Variants in RIMBP2 observed in about 807,000 individuals in gnomAD.
RIMBP2 encodes the protein RIMS binding protein 2.
RIMBP2 carries 48 observed loss-of-function variants against 118.6 expected under a neutral mutation model. The ratio of observed to expected loss-of-function variants is 0.40; its 90% CI spans 0.32 to 0.51. The LOEUF (loss-of-function observed/expected upper bound fraction) is 0.51. Among genes scored for constraint, RIMBP2 ranks in the 20% least tolerant of loss-of-function variants. The pLI is 0.41. For synonymous variants in RIMBP2, 762 were observed against 742.9 expected, an observed-to-expected ratio of 1.03 and a Z score of -0.42; for missense variants, 1,551 against 1,768.3, an observed-to-expected ratio of 0.88 and a Z score of 2.20.
rs952796615 is a variant in RIMBP2, at chr12:130,670,193, C to G, written c.-351-41737G>C. On this transcript the variant is annotated intron_variant, in intron 1 of 22. Transcript: ENST00000690449. This position sits in a 1 kb window ranked among gnomAD's most constrained non-coding sequence, Gnocchi z 4.9. ...GGTTGGGAGAGACAAGGAAGAGGCC[C>G]TCCCTTGAGCTCTGGGAGGGAGCAC... Among the ~76,000 whole-genome samples, 1 of 152,026 alleles carries G rather than the reference C, an allele frequency of 6.6e-6. No individual in the cohort carries two copies. Among genetic ancestry groups the G allele is most frequent in the Non-Finnish European group, 1.5e-5 (1 of 68,012 alleles).
chr12:130,669,903 G>T (rs978542707), intron 1 of RIMBP2, among the ~76,000 whole-genome samples: 2 of 152,078 alleles, frequency 1.3e-5, no homozygotes, highest in Non-Finnish European at 2.9e-5. Context: ...TGAAGGCCGG[G>T]GCTCAGTAAC....
Position 130,442,564 on chromosome 12 carries a change from T to G in RIMBP2, c.788A>C (p.Glu263Ala). ...ESRLASTLGN[E>A]QDQNFINHSG... ...ATGGTTGATGAAGTTCTGATCCTGC[T>G]CGTTCCCCAGCGTGCTTGCCAACCG... The change falls in exon 11 of 23, where the codon GAG becomes GCG. Residue 263 changes from glutamate to alanine, a missense_variant. By Grantham distance (107) the Glu-to-Ala change is moderately radical (BLOSUM62 -1). Coordinates refer to ENST00000690449, the MANE Select transcript of RIMBP2 (RefSeq NM_001393629.1). The surrounding 1 kb of genome is among the most constrained non-coding windows in gnomAD (Gnocchi z 6.9). The G allele has an allele frequency of 6.2e-7, 1 of 1,614,074 alleles. No homozygotes were observed. The highest frequency in any genetic ancestry group is 8.5e-7 in the Non-Finnish European group (1 of 1,179,988).
intron 4 of RIMBP2, among the ~76,000 whole-genome samples, chr12:130,491,370 GCTGT>G (rs1245086428): frequency 6.6e-6 from 1 of 152,214 alleles, no homozygotes; most frequent in Non-Finnish European, 1.5e-5. Flanking sequence ...TCTGCTCTCT[GCTGT>G]CTAAGAGGCC....
intron 2 of RIMBP2, among the ~76,000 whole-genome samples, chr12:130,615,785 G>A (rs1228846618): frequency 6.6e-6 from 1 of 152,082 alleles, no homozygotes; most frequent in African/African-American, 2.4e-5. Flanking sequence ...GAAAACCAAT[G>A]CCCACTAAGT....
intron 3 of RIMBP2, among the ~76,000 whole-genome samples, chr12:130,516,228 T>C (rs1218211311): frequency 6.6e-6 from 1 of 152,206 alleles, no homozygotes; most frequent in African/African-American, 2.4e-5. Flanking sequence ...AAGTGTCAAA[T>C]CAAGACAACT....
In RIMBP2 at chr12:130,419,002, A is replaced by C. The variant is rs1298154519; in HGVS notation, c.3238+3451T>G. Among the ~76,000 whole-genome samples the C allele has an allele frequency of 6.6e-6, 1 of 152,186 alleles. No individual in the cohort carries two copies. The highest frequency in any genetic ancestry group is 1.5e-5 in the Non-Finnish European group (1 of 68,038). On this transcript the variant is annotated intron_variant, in intron 17 of 22. Transcript: ENST00000690449. The surrounding 1 kb of genome is among the most constrained non-coding windows in gnomAD (Gnocchi z 4.3). ...GGTGTGGGGTAGAGGTGGGTGGAGCACTTGGAGTTGAACGTATGTGAATAA... is the reference window on the plus strand; with the variant it reads ...GGTGTGGGGTAGAGGTGGGTGGAGCCCTTGGAGTTGAACGTATGTGAATAA...
intron 1 of RIMBP2, among the ~76,000 whole-genome samples, chr12:130,674,670 T>C (rs1002469007): frequency 7.2e-5 from 11 of 152,036 alleles, no homozygotes; most frequent in Non-Finnish European, 1.3e-4. Flanking sequence ...TGGCATGGAG[T>C]GGCTTCACAA....
Position 130,622,755 on chromosome 12 carries a change from T to C in RIMBP2, c.-217+5567A>G, listed in dbSNP as rs976443376. Among the ~76,000 whole-genome samples, 1 of 152,214 alleles carries C rather than the reference T, an allele frequency of 6.6e-6. No homozygotes were observed. On this transcript the variant is annotated intron_variant, in intron 2 of 22. Coordinates refer to ENST00000690449, the MANE Select transcript of RIMBP2 (RefSeq NM_001393629.1). This position sits in a 1 kb window ranked among gnomAD's most constrained non-coding sequence, Gnocchi z 8.5. ...AACACTCTTGGAAATATTGGGCTAG[T>C]TGGCAGATTTAGGCAATGCCTCCAC...
At chr12:130,592,531 A>G (rs1306359655) in intron 2 of RIMBP2, among the ~76,000 whole-genome samples, 2 of 152,096 alleles carry the variant, frequency 1.3e-5, no homozygotes, top group African/African-American at 4.8e-5. Flanking sequence ...TCTACTAAAA[A>G]TACAAAAATT....
chr12:130,613,785 G>A (rs1287221042), intron 2 of RIMBP2, among the ~76,000 whole-genome samples: 2 of 134,056 alleles, frequency 1.5e-5, no homozygotes, highest in African/African-American at 5.7e-5. Context: ...CTGCACTCCA[G>A]CCTGGGTGAC....
intron 2 of RIMBP2, among the ~76,000 whole-genome samples, chr12:130,625,737 C>T (rs2061581339): frequency 6.6e-6 from 1 of 152,150 alleles, no homozygotes; most frequent in South Asian, 2.1e-4. Context: ...CTCATACACA[C>T]ATACATCACT....
At chr12:130,625,490 C>G (rs2061566095) in intron 2 of RIMBP2, among the ~76,000 whole-genome samples, 1 of 152,182 alleles carries the variant, frequency 6.6e-6, no homozygotes. Flanking sequence ...CCTCCTCTTC[C>G]AAGTCAAATG....
chr12:130,581,303 C>A lies in RIMBP2; in HGVS notation c.-217+47019G>T, dbSNP rs1360245439. Among the ~76,000 whole-genome samples, 1 of 149,708 alleles carries A rather than the reference C, an allele frequency of 6.7e-6. No individual in the cohort carries two copies. Among genetic ancestry groups the A allele is most frequent in the African/African-American group, 2.5e-5 (1 of 40,078 alleles). On this transcript the variant is annotated intron_variant, in intron 2 of 22. Transcript: ENST00000690449. This position sits in a 1 kb window ranked among gnomAD's most constrained non-coding sequence, Gnocchi z 4.4. ...GGGTGGGGGGCGTGGATCTGGTGAG[C>A]TGAAGCCCACACAGGGGCCCCATCT...
At position 130,670,653 on chromosome 12, in the gene RIMBP2, G is replaced by A. The variant is rs1023436766; in HGVS notation, c.-351-42197C>T. Among the ~76,000 whole-genome samples the A allele has an allele frequency of 6.6e-6, 1 of 152,160 alleles. No homozygotes were observed. The highest frequency in any genetic ancestry group is 1.5e-5 in the Non-Finnish European group (1 of 68,032). On this transcript the variant is annotated intron_variant, in intron 1 of 22. Transcript: ENST00000690449. The surrounding 1 kb of genome is among the most constrained non-coding windows in gnomAD (Gnocchi z 4.9). ...CACACCCGCCTCCACTAGAGAGGCT[G>A]GAAAGGAGAAACGCTCACTGTCCCA...
In RIMBP2 at chr12:130,525,407, G is replaced by A. The variant is rs1490845446; in HGVS notation, c.-216-7490C>T. 6.6e-6 allele frequency among the ~76,000 whole-genome samples: 1 copy of A among 152,180 alleles called. No individual in the cohort carries two copies. The highest frequency in any genetic ancestry group is 1.5e-5 in the Non-Finnish European group (1 of 68,030). ...AGGAGATGCTTTTTTGCAGAGTGCT[G>A]GGTGAGAAGAGGCGCAGAGAGACAA... On this transcript the variant is annotated intron_variant, in intron 2 of 22. Coordinates refer to ENST00000690449, the MANE Select transcript of RIMBP2 (RefSeq NM_001393629.1). The surrounding 1 kb of genome is among the most constrained non-coding windows in gnomAD (Gnocchi z 4.4).
In RIMBP2 at chr12:130,456,715, C is replaced by T; in HGVS notation, c.154-15G>A. On this transcript the variant is annotated splice_polypyrimidine_tract_variant and intron_variant, in intron 6 of 22. Transcript: ENST00000690449. Reference sequence around the variant, plus strand: ...CGAACCTTGGACTGCACGGCAGAAGCAGGACAGGGGGTCAGCGGTGGCATT... The same window carrying T: ...CGAACCTTGGACTGCACGGCAGAAGTAGGACAGGGGGTCAGCGGTGGCATT... 6.3e-7 allele frequency: 1 copy of T among 1,588,836 alleles called. No homozygotes were observed. Among genetic ancestry groups the T allele is most frequent in the East Asian group, 2.3e-5 (1 of 44,232 alleles).
At chr12:130,689,189 C>T (rs2065205459) in intron 1 of RIMBP2, among the ~76,000 whole-genome samples, 1 of 152,172 alleles carries the variant, frequency 6.6e-6, no homozygotes, top group Admixed American at 6.5e-5. Context: ...TGGCTCACGC[C>T]TGTAATCCTG....
chr12:130,438,551 G>C (rs1452653514), intron 11 of RIMBP2, 35 bp from the exon 12 acceptor site: 2 of 1,526,860 alleles, frequency 1.3e-6, no homozygotes, highest in East Asian at 4.7e-5. Context: ...AGGCGTTCAG[G>C]GACCAGCCCT....
At chr12:130,636,457 G>C (rs2062354785) in intron 1 of RIMBP2, among the ~76,000 whole-genome samples, 1 of 152,086 alleles carries the variant, frequency 6.6e-6, no homozygotes, top group Non-Finnish European at 1.5e-5. Context: ...GAATCACCTT[G>C]AACACTCATT....
Sources: gnomAD v4.1 joint callset for allele counts (sites outside exome capture counted in the v4.1 genomes callset) on GRCh38, gnomAD v4.1.1 for gene constraint, Gnocchi (gnomAD v3.1) non-coding constraint, MANE v1.5 for transcripts, NCBI Gene and HGNC (gene_info 2026-07-23, HGNC 2026-07-21) for gene names.